CTNND2: variants seen among roughly 807,000 people sequenced by gnomAD.
CTNND2 encodes catenin delta 2, also known as catenin delta-2.
Under a neutral mutation model 144.4 loss-of-function variants are expected in CTNND2, and 22 were observed. The ratio of observed to expected loss-of-function variants is 0.15; its 90% CI spans 0.11 to 0.22. The LOEUF is 0.22. CTNND2 is among the 10% of genes least tolerant of loss of function. The probability of loss-of-function intolerance (pLI) is 1.00; values close to 1 mark genes in which losing one functional copy is unlikely to be tolerated. For missense variants in CTNND2, 1,353 were observed against 1,618.8 expected, an observed-to-expected ratio of 0.84 and a Z score of 2.82; for synonymous variants, 751 against 695.6, an observed-to-expected ratio of 1.08 and a Z score of -1.25.
chr5:11,191,042 C>T (rs1353738044), intron 11 of CTNND2, among the ~76,000 whole-genome samples: 5 of 152,074 alleles, frequency 3.3e-5, no homozygotes, highest in Admixed American at 6.5e-5. Flanking sequence ...AAAATGAATC[C>T]CAGAAGGACA....
At chr5:11,717,797 G>T (rs1017354510) in intron 2 of CTNND2, among the ~76,000 whole-genome samples, 1 of 152,016 alleles carries the variant, frequency 6.6e-6, no homozygotes, top group Non-Finnish European at 1.5e-5. Flanking sequence ...ACTACCATGG[G>T]AACAGTATGG....
chr5:11,694,634 A>G (rs570311576), intron 2 of CTNND2, among the ~76,000 whole-genome samples: 23 of 152,222 alleles, frequency 1.5e-4, no homozygotes, highest in African/African-American at 4.1e-4. Context: ...TGGGGGTTAT[A>G]AATGCATTTT....
At chr5:11,420,335 C>A (rs1202451206) in intron 3 of CTNND2, among the ~76,000 whole-genome samples, 1 of 151,996 alleles carries the variant, frequency 6.6e-6, no homozygotes, top group African/African-American at 2.4e-5. Flanking sequence ...AAAACAAAAA[C>A]AAAAACAAAA....
intron 1 of CTNND2, among the ~76,000 whole-genome samples, chr5:11,757,893 AC>A (rs1789039602): frequency 6.6e-6 from 1 of 151,956 alleles, no homozygotes; most frequent in African/African-American, 2.4e-5. Flanking sequence ...ACTTCATTTC[AC>A]AAATGGAGAA....
chr5:11,566,249 C>T (rs183894644), intron 2 of CTNND2, among the ~76,000 whole-genome samples: 12 of 152,238 alleles, frequency 7.9e-5, no homozygotes, highest in Admixed American at 2.6e-4. Context: ...GCTTAATTTT[C>T]CCTTTAAGGT....
intron 12 of CTNND2, among the ~76,000 whole-genome samples, chr5:11,157,853 TG>T (rs1758372717): frequency 6.6e-6 from 1 of 152,204 alleles, no homozygotes; most frequent in Non-Finnish European, 1.5e-5. Flanking sequence ...AGCTGCTGTA[TG>T]TGTGAATAGA....
At chr5:11,817,389 GGAGAGAGAGAGAGAGAGGAGGGAGAGAGA>G (rs1793015393) in intron 1 of CTNND2, among the ~76,000 whole-genome samples, 3 of 39,908 alleles carry the variant, frequency 7.5e-5, no homozygotes, top group African/African-American at 2.9e-4. Flanking sequence ...GAGAGAGGGG[GGAGAGAGAGAGAGAGAGGAGGGAGAGAGA>G]GAGAGAGAGA....
chr5:11,176,660 G>A (rs986599522), intron 11 of CTNND2, among the ~76,000 whole-genome samples: 31 of 152,066 alleles, frequency 2.0e-4, no homozygotes, highest in African/African-American at 7.2e-4. Context: ...GTGAAGACTG[G>A]TTTCCTTATC....
At chr5:11,310,467 G>A (rs545738118) in intron 9 of CTNND2, among the ~76,000 whole-genome samples, 4 of 151,930 alleles carry the variant, frequency 2.6e-5, no homozygotes, top group East Asian at 3.9e-4. Flanking sequence ...CATCTTTTGC[G>A]ACAGCTCACA....
intron 7 of CTNND2, 48 bp from the exon 8 acceptor site, chr5:11,364,938 C>T (rs147093519): frequency 6.6e-7 from 1 of 1,514,092 alleles, no homozygotes; most frequent in East Asian, 2.3e-5. Context: ...GACCTCCAAA[C>T]AGAACTTGTT....
intron 7 of CTNND2, among the ~76,000 whole-genome samples, chr5:11,382,576 C>G (rs1758601864): frequency 6.8e-6 from 1 of 147,532 alleles, no homozygotes; most frequent in Admixed American, 6.7e-5. Flanking sequence ...CCAGCCTGGG[C>G]AACCGACAGA....
chr5:11,839,382 A>C (rs1464493141), intron 1 of CTNND2, among the ~76,000 whole-genome samples: 1 of 152,178 alleles, frequency 6.6e-6, no homozygotes, highest in Non-Finnish European at 1.5e-5. Context: ...CTTCAAAAAC[A>C]GAGGTGTCTA....
At chr5:11,297,553 T>A (rs1400831014) in intron 9 of CTNND2, among the ~76,000 whole-genome samples, 1 of 152,214 alleles carries the variant, frequency 6.6e-6, no homozygotes, top group African/African-American at 2.4e-5. Flanking sequence ...AAATGGTTTA[T>A]GATCATAACT....
chr5:11,778,922 T>C (rs1164885311), intron 1 of CTNND2, among the ~76,000 whole-genome samples: 1 of 152,238 alleles, frequency 6.6e-6, no homozygotes, highest in Non-Finnish European at 1.5e-5. Context: ...AAAACTTTTC[T>C]AAGATTTAAA....
At chr5:11,682,119 G>C (rs1360512647) in intron 2 of CTNND2, among the ~76,000 whole-genome samples, 1 of 152,204 alleles carries the variant, frequency 6.6e-6, no homozygotes, top group East Asian at 1.9e-4. Context: ...CAGAGTCATA[G>C]AGCATTTGAA....
intron 2 of CTNND2, among the ~76,000 whole-genome samples, chr5:11,592,124 C>T (rs1039773979): frequency 1.4e-5 from 2 of 147,500 alleles, no homozygotes; most frequent in African/African-American, 5.2e-5. Flanking sequence ...TCCTTCCTTC[C>T]TTCTTTCCTG....
At chr5:11,223,967 G>A (rs1740060409) in intron 10 of CTNND2, among the ~76,000 whole-genome samples, 1 of 152,118 alleles carries the variant, frequency 6.6e-6, no homozygotes, top group South Asian at 2.1e-4. Flanking sequence ...CCTGGCCTGG[G>A]ATCCCCTGCT....
intron 1 of CTNND2, among the ~76,000 whole-genome samples, chr5:11,767,346 T>C (rs999149576): frequency 6.6e-6 from 1 of 152,140 alleles, no homozygotes; most frequent in Admixed American, 6.5e-5. Context: ...GTGGCAGGTG[T>C]GAGGTTGTGT....
At position 11,438,748 on chromosome 5, in the gene CTNND2, G is replaced by A. The variant is rs78778528; in HGVS notation, c.288-26679C>T. 3.1e-3 allele frequency among the ~76,000 whole-genome samples: 466 copies of A among 152,080 alleles called. 3 individuals are homozygous for A. The highest frequency in any genetic ancestry group is 0.01 in the Middle Eastern group (3 of 294). ...CCAGTTGAGATTAGATAATTTAATCGGTATCTAGAAAAACATGATTTAATC... is the reference window on the plus strand; with the variant it reads ...CCAGTTGAGATTAGATAATTTAATCAGTATCTAGAAAAACATGATTTAATC... On this transcript the variant is annotated intron_variant, in intron 3 of 21. Transcript: ENST00000304623.
Sources: gnomAD v4.1 joint callset for allele counts (sites outside exome capture counted in the v4.1 genomes callset) on GRCh38, gnomAD v4.1.1 for gene constraint, MANE v1.5 for transcripts, NCBI Gene and HGNC (gene_info 2026-07-23, HGNC 2026-07-21) for gene names.